The following ZFHX4 variants were observed in gnomAD, a reference collection of about 807,000 sequenced individuals.
The protein encoded by ZFHX4 is zinc finger homeobox protein 4.
Under a neutral mutation model 267.6 loss-of-function variants are expected in ZFHX4, and 56 were observed. That is an observed-to-expected ratio of 0.21 (90% CI 0.17 to 0.26). ZFHX4 has a LOEUF of 0.26. ZFHX4 is among the 10% of genes least tolerant of loss of function. The pLI is 1.00. For synonymous variants in ZFHX4, 1,778 were observed against 1,665.6 expected (o/e 1.07, Z -1.64); for missense variants, 4,332 against 4,420.0 (o/e 0.98, Z 0.56).
chr8:76,725,042 T>C (rs1482392424), intron 3 of ZFHX4, among the ~76,000 whole-genome samples: 1 of 151,956 alleles, frequency 6.6e-6, no homozygotes. Context: ...TTGATGTGTG[T>C]ATATATGTAT....
chr8:76,859,709 G>A (rs1381324215), intron 10 of ZFHX4, among the ~76,000 whole-genome samples: 2 of 152,018 alleles, frequency 1.3e-5, no homozygotes, highest in Non-Finnish European at 2.9e-5. Flanking sequence ...CACATTTGGG[G>A]TAAATGTAGA....
At chr8:76,842,909 C>T (rs1021375521) in intron 6 of ZFHX4, 138 bp downstream of exon 6, 2 of 549,572 alleles carry the variant, frequency 3.6e-6, no homozygotes, top group Non-Finnish European at 6.4e-6. Flanking sequence ...ATTCCCACTA[C>T]TATTCATTGC....
At chr8:76,709,819 GT>G (rs1808378064) in intron 3 of ZFHX4, among the ~76,000 whole-genome samples, 1 of 151,318 alleles carries the variant, frequency 6.6e-6, no homozygotes. Flanking sequence ...GTGTGTGTGT[GT>G]GTGTGTGTGT....
At position 76,692,420 on chromosome 8, in the gene ZFHX4, G is replaced by A. The variant is rs144946535; in HGVS notation, c.-47+10800G>A. 9.9e-5 allele frequency among the ~76,000 whole-genome samples: 15 copies of A among 152,190 alleles called. No individual in the cohort carries two copies. The East Asian group carries it at 1.5e-3, about 16-fold the overall frequency. ...AAGAAAGGAGAATGGATACTGTTAC[G>A]TGGTATCCTGTTGACCAAAATTTAT... On this transcript the variant is annotated intron_variant, in intron 1 of 10. Transcript: ENST00000651372.
At chr8:76,758,951 T>C (rs1050060326) in intron 3 of ZFHX4, among the ~76,000 whole-genome samples, 1 of 152,202 alleles carries the variant, frequency 6.6e-6, no homozygotes, top group Admixed American at 6.5e-5. Context: ...GAATGTATTT[T>C]GAAAATAAAT....
chr8:76,702,605 C>G (rs1208187818), intron 1 of ZFHX4, among the ~76,000 whole-genome samples: 1 of 152,102 alleles, frequency 6.6e-6, no homozygotes, highest in South Asian at 2.1e-4. Flanking sequence ...GGAGGAGCAT[C>G]CAGGCTGAGA....
intron 4 of ZFHX4, among the ~76,000 whole-genome samples, chr8:76,811,493 C>A (rs919169136): frequency 2.6e-5 from 4 of 152,090 alleles, no homozygotes; most frequent in African/African-American, 9.7e-5. Flanking sequence ...TCTGTTAGAG[C>A]CAATCTTTCA....
rs377598264 is a variant in ZFHX4 at position 76,863,897 on chromosome 8, G to A, written c.10183G>A (p.Val3395Ile). 116 of 1,576,244 alleles carry A rather than the reference G, an allele frequency of 7.4e-5. No individual in the cohort carries two copies. In the African/African-American group the frequency reaches 1.3e-3, roughly 18 times the overall value. Residue 3395 changes from valine (V) to isoleucine (I), a missense_variant, in exon 11 of 11, where the codon GTT becomes ATT. Val to Ile is a conservative substitution (Grantham distance 29). This residue lies in a region of ZFHX4 where 1,648 missense variants were observed against 1,625.0 expected (regional missense o/e 1.01). Coordinates refer to ENST00000651372, the MANE Select transcript of ZFHX4 (RefSeq NM_024721.5). The stretch of plus-strand genomic sequence containing the variant: ...AAGTGCAGACTTTTCAGACACTTAC[G>A]TTGTTCCATTCGTCAAGTATGAGTT... ...SKSADFSDTY[V>I]VPFVKYEFIC...
intron 4 of ZFHX4, among the ~76,000 whole-genome samples, chr8:76,820,065 T>G (rs1811609165): frequency 6.6e-6 from 1 of 152,176 alleles, no homozygotes. Context: ...TGAATGTACT[T>G]TTGCTATTCT....
Position 76,855,516 on chromosome 8 carries a change from C to G in ZFHX4, c.8595C>G (p.Leu2865=), listed in dbSNP as rs199678763. 6.2e-5 allele frequency: 100 copies of G among 1,613,732 alleles called. No individual in the cohort carries two copies. The highest frequency in any genetic ancestry group is 7.6e-5 in the Non-Finnish European group (90 of 1,179,878). The change falls in exon 10 of 11, where the codon CTC becomes CTG. Residue 2865 remains leucine (L), a synonymous_variant. Transcript: ENST00000651372. ...PTTEVCDDKF[L]FSLTSPSIHF... is the part of the protein sequence containing the mutation. ...CGGAGGTCTGCGATGACAAATTTCT[C>G]TTTTCTCTCACAAGCCCATCCATCC...
At position 76,791,032 on chromosome 8, in the gene ZFHX4, A is replaced by G. The variant is rs1230906913; in HGVS notation, c.3325+12593A>G. ...CTAAAATTAAAGCAAAAAACTTTCAATAAGTTCTTTTGCTTAATATTTGAC... is the reference window on the plus strand; with the variant it reads ...CTAAAATTAAAGCAAAAAACTTTCAGTAAGTTCTTTTGCTTAATATTTGAC... On this transcript the variant is annotated intron_variant, in intron 4 of 10. Transcript: ENST00000651372. Among the ~76,000 whole-genome samples the G allele has an allele frequency of 5.9e-5, 9 of 152,310 alleles. No homozygotes were observed. The East Asian group carries it at 1.5e-3, about 26-fold the overall frequency.
chr8:76,772,549 G>T (rs2131754408), intron 3 of ZFHX4, among the ~76,000 whole-genome samples: 1 of 152,172 alleles, frequency 6.6e-6, no homozygotes, highest in East Asian at 1.9e-4. Context: ...TGACTCCCAG[G>T]AGTCATATTT....
In ZFHX4 at chr8:76,863,404, C is replaced by T. The variant is rs756688352; in HGVS notation, c.9690C>T (p.Gly3230=). 1 of 1,613,970 alleles carries T rather than the reference C, an allele frequency of 6.2e-7. No homozygotes were observed. Among genetic ancestry groups the T allele is most frequent in the East Asian group, 2.2e-5 (1 of 44,878 alleles). ...TCTCATCTGCTCTTTCAGTGTTGGG[C>T]AAAGTTGTAGGTGAAACACATGTCG... The part of the protein sequence containing the change: ...EKISSALSVL[G]KVVGETHVDP... Residue 3230 remains glycine, a synonymous_variant, in exon 11 of 11, where the codon GGC becomes GGT. Coordinates refer to ENST00000651372, the MANE Select transcript of ZFHX4 (RefSeq NM_024721.5).
chr8:76,818,383 G>A (rs1215373636), intron 4 of ZFHX4, among the ~76,000 whole-genome samples: 2 of 152,148 alleles, frequency 1.3e-5, no homozygotes, highest in Non-Finnish European at 2.9e-5. Flanking sequence ...TTAGGAGAAA[G>A]CAATAAAAAT....
At chr8:76,739,421 A>T (rs1028881857) in intron 3 of ZFHX4, among the ~76,000 whole-genome samples, 3 of 152,164 alleles carry the variant, frequency 2.0e-5, no homozygotes, top group Non-Finnish European at 2.9e-5. Flanking sequence ...ATTATCTAAG[A>T]ATCAAGAAAC....
intron 3 of ZFHX4, among the ~76,000 whole-genome samples, chr8:76,766,134 A>G (rs1810045351): frequency 6.6e-6 from 1 of 152,086 alleles, no homozygotes. Flanking sequence ...TAATAGTACC[A>G]CCACATTTTT....
At chr8:76,701,505 C>A (rs929418180) in intron 1 of ZFHX4, among the ~76,000 whole-genome samples, 2 of 152,026 alleles carry the variant, frequency 1.3e-5, no homozygotes, top group Non-Finnish European at 2.9e-5. Context: ...TGACTTCTGG[C>A]TCTTTTAAGT....
intron 3 of ZFHX4, among the ~76,000 whole-genome samples, chr8:76,776,247 G>C (rs1359665224): frequency 6.6e-6 from 1 of 151,888 alleles, no homozygotes; most frequent in Admixed American, 6.6e-5. Flanking sequence ...TACCAATTGG[G>C]GTGAATGGTT....
intron 4 of ZFHX4, among the ~76,000 whole-genome samples, chr8:76,811,484 C>G (rs1811376798): frequency 6.6e-6 from 1 of 152,088 alleles, no homozygotes; most frequent in Non-Finnish European, 1.5e-5. Flanking sequence ...GTGGTATTCT[C>G]TGTTAGAGCC....
Sources: allele counts gnomAD v4.1 joint callset (sites outside exome capture counted in the v4.1 genomes callset), GRCh38; gene constraint gnomAD v4.1.1; regional missense constraint gnomAD v4.1.1; transcripts MANE v1.5; gene names NCBI Gene and HGNC (gene_info 2026-07-23, HGNC 2026-07-21).